DGKG: variants seen among roughly 807,000 people sequenced by gnomAD.
DGKG encodes the protein DAG kinase gamma.
DGKG carries 78 observed loss-of-function variants against 105.3 expected under a neutral mutation model. The ratio of observed to expected loss-of-function variants is 0.74; its 90% confidence interval spans 0.62 to 0.89. The LOEUF (loss-of-function observed/expected upper bound fraction) is 0.89. Among genes scored for constraint, DGKG ranks in the 40% least tolerant of loss-of-function variants. The probability of loss-of-function intolerance (pLI) is 0.00; values close to 1 mark genes in which losing one functional copy is unlikely to be tolerated. For missense variants in DGKG, 958 were observed against 1,020.1 expected, an observed-to-expected ratio of 0.94 and a Z score of 0.83; for synonymous variants, 346 against 367.1, an observed-to-expected ratio of 0.94 and a Z score of 0.66.
chr3:186,158,150 A>G, intron 24 of DGKG: 1 of 684,814 alleles, frequency 1.5e-6, no homozygotes, highest in South Asian at 6.7e-5. Context: ...AACTAGTTCT[A>G]GAGTTTCCTG....
chr3:186,360,885 C>T (rs1298293317), intron 1 of DGKG, among the ~76,000 whole-genome samples: 1 of 152,248 alleles, frequency 6.6e-6, no homozygotes, highest in East Asian at 1.9e-4. Flanking sequence ...GAATGACAAA[C>T]AGCCCTCCCA....
intron 2 of DGKG, among the ~76,000 whole-genome samples, chr3:186,309,596 G>T (rs1361150591): frequency 1.3e-5 from 2 of 152,090 alleles, no homozygotes; most frequent in Non-Finnish European, 2.9e-5. Context: ...TTTAATGGGA[G>T]GTTGTTAGCT....
At chr3:186,296,115 A>C (rs75164737) in intron 5 of DGKG, among the ~76,000 whole-genome samples, 1 of 19,452 alleles carries the variant, frequency 5.1e-5, no homozygotes, top group African/African-American at 1.3e-4. Flanking sequence ...TCTCAGACAA[A>C]AAAAAAAAAA....
chr3:186,175,902 C>T (rs1236584299), intron 22 of DGKG, among the ~76,000 whole-genome samples: 5 of 152,202 alleles, frequency 3.3e-5, no homozygotes, highest in African/African-American at 1.2e-4. Context: ...ACTATCCCAA[C>T]TTAACAACAA....
intron 14 of DGKG, among the ~76,000 whole-genome samples, chr3:186,262,889 G>T (rs1453989883): frequency 6.6e-6 from 1 of 152,184 alleles, no homozygotes; most frequent in Non-Finnish European, 1.5e-5. Flanking sequence ...AACACTTTGG[G>T]AGGCCGGGGC....
chr3:186,339,946 A>G (rs1440007996), intron 1 of DGKG, among the ~76,000 whole-genome samples: 2 of 152,226 alleles, frequency 1.3e-5, no homozygotes, highest in African/African-American at 4.8e-5. Flanking sequence ...GAAAATGGGA[A>G]TAGTGGTATC....
At chr3:186,277,556 G>T (rs917481423) in intron 9 of DGKG, among the ~76,000 whole-genome samples, 1 of 152,226 alleles carries the variant, frequency 6.6e-6, no homozygotes, top group Non-Finnish European at 1.5e-5. Context: ...AGACTTCTTC[G>T]TGGAGCCCAA....
chr3:186,217,165 C>T (rs553069048), intron 20 of DGKG, among the ~76,000 whole-genome samples: 4 of 152,276 alleles, frequency 2.6e-5, no homozygotes, highest in African/African-American at 4.8e-5. Context: ...GGGAGTCTAT[C>T]GTAGGTGGCC....
At chr3:186,229,870 T>C (rs1216824309) in intron 20 of DGKG, among the ~76,000 whole-genome samples, 1 of 152,174 alleles carries the variant, frequency 6.6e-6, no homozygotes, top group Non-Finnish European at 1.5e-5. Context: ...AGAAAGCTTA[T>C]GAACAAGTTG....
At chr3:186,180,576 G>T (rs935370920) in intron 22 of DGKG, among the ~76,000 whole-genome samples, 1 of 152,064 alleles carries the variant, frequency 6.6e-6, no homozygotes, top group Admixed American at 6.6e-5. Flanking sequence ...CTCTCAACTC[G>T]GAAGAGTGGT....
intron 20 of DGKG, among the ~76,000 whole-genome samples, chr3:186,215,939 G>A (rs1325639526): frequency 1.3e-5 from 2 of 151,740 alleles, no homozygotes; most frequent in African/African-American, 2.4e-5. Context: ...CAGGTGCTGT[G>A]TAGGGCTTGG....
chr3:186,295,452 A>G (rs560013926), intron 5 of DGKG, among the ~76,000 whole-genome samples: 3 of 151,782 alleles, frequency 2.0e-5, no homozygotes. Flanking sequence ...CAGGGAGCTG[A>G]GATTGTGCCA....
intron 20 of DGKG, among the ~76,000 whole-genome samples, chr3:186,241,327 C>T (rs567222361): frequency 7.9e-5 from 12 of 151,836 alleles, no homozygotes; most frequent in East Asian, 5.8e-4. Context: ...CCGAGGAGGA[C>T]GGGTCACTTG....
In DGKG at chr3:186,253,306, T is replaced by C. The variant is rs111535927; in HGVS notation, c.1511-124A>G. On this transcript the variant is annotated intron_variant, in intron 17 of 24. Transcript: ENST00000265022. ...AGCATTCTTTGTTTGAATACCACCC[T>C]GATGGGAAACACACTACTTCCTAAA... is the stretch of plus-strand genomic sequence containing the variant. 4,076 of 735,792 alleles carry C rather than the reference T, an allele frequency of 5.5e-3. 118 individuals are homozygous for C. Among genetic ancestry groups the C allele is most frequent in the African/African-American group, 0.055 (3,226 of 58,340 alleles). The allele number at this position is 735,792 out of a possible 1,614,324, so 45.6% of individuals were successfully genotyped here.
intron 20 of DGKG, among the ~76,000 whole-genome samples, chr3:186,229,375 G>A (rs1014655640): frequency 1.5e-4 from 23 of 151,986 alleles, no homozygotes; most frequent in Non-Finnish European, 2.8e-4. Context: ...CAAGTAGCTG[G>A]GATTACAGGT....
chr3:186,267,005 A>T (rs1722085108), intron 13 of DGKG, among the ~76,000 whole-genome samples: 2 of 152,242 alleles, frequency 1.3e-5, no homozygotes, highest in African/African-American at 4.8e-5. Flanking sequence ...GGCAAAATTA[A>T]GTGTTTGACG....
intron 5 of DGKG, among the ~76,000 whole-genome samples, chr3:186,294,158 CTT>C (rs10575252): frequency 0.029 from 4,369 of 152,220 alleles, 211 homozygotes; most frequent in African/African-American, 0.099. Context: ...GCATGGAGGT[CTT>C]AAATAAGTCA....
intron 20 of DGKG, among the ~76,000 whole-genome samples, chr3:186,233,673 T>A (rs966922282): frequency 1.3e-5 from 2 of 152,152 alleles, no homozygotes; most frequent in Non-Finnish European, 2.9e-5. Context: ...TTAGTAGAGA[T>A]GGGGTTTCAC....
At chr3:186,342,163 T>C (rs146164642) in intron 1 of DGKG, among the ~76,000 whole-genome samples, 48 of 151,980 alleles carry the variant, frequency 3.2e-4, no homozygotes, top group African/African-American at 1.1e-3. Context: ...ACTTAAAGTA[T>C]AATAAAAAAA....
Sources: gnomAD v4.1 joint callset for allele counts (sites outside exome capture counted in the v4.1 genomes callset) on GRCh38, gnomAD v4.1.1 for gene constraint, MANE v1.5 for transcripts, NCBI Gene and HGNC (gene_info 2026-07-23, HGNC 2026-07-21) for gene names.